Variants in IGSF22 observed in about 807,000 individuals in gnomAD.
The protein encoded by IGSF22 is immunoglobulin superfamily, member 22.
IGSF22 carries 119 observed loss-of-function variants against 127.0 expected under a neutral mutation model. The ratio of observed to expected loss-of-function variants is 0.94; its 90% CI spans 0.81 to 1.09. The LOEUF (loss-of-function observed/expected upper bound fraction) is 1.09. Among genes scored for constraint, IGSF22 ranks in the 50% least tolerant of loss-of-function variants. The pLI is 0.00. For synonymous variants in IGSF22, 568 were observed against 664.7 expected (o/e 0.85, Z 2.24); for missense variants, 1,518 against 1,716.6 (o/e 0.88, Z 2.04).
rs1848284420 is a variant in IGSF22, at chr11:18,708,245, G to A, written c.3049C>T (p.Arg1017Cys). ...SARLKSHMVV[R>C]AGTALCIHAA... ...TGGATGCAGAGGGCTGTCCCAGCGC[G>A]AACCACCATGTGACTCTTCAGCCGG... Residue 1017 changes from arginine (R) to cysteine (C), a missense_variant, in exon 19 of 23, where the codon CGC (arginine) becomes TGC (cysteine). By Grantham distance (180) the Arg-to-Cys change is radical. Coordinates refer to ENST00000513874, the MANE Select transcript of IGSF22 (RefSeq NM_173588.4). 9.0e-6 allele frequency: 14 copies of A among 1,548,816 alleles called. No individual in the cohort carries two copies. The highest frequency in any genetic ancestry group is 1.7e-4 in the Middle Eastern group (1 of 5,978).
chr11:18,723,173 G>A (rs1848601505), intron 2 of IGSF22, among the ~76,000 whole-genome samples: 1 of 152,202 alleles, frequency 6.6e-6, no homozygotes, highest in Non-Finnish European at 1.5e-5. Flanking sequence ...AGCTTTGGCT[G>A]CACATATATA....
intron 15 of IGSF22, among the ~76,000 whole-genome samples, chr11:18,711,449 G>A (rs1301752680): frequency 6.6e-6 from 1 of 152,184 alleles, no homozygotes; most frequent in Non-Finnish European, 1.5e-5. Context: ...CCAGGCTGGA[G>A]TGCAGTGGCA....
In IGSF22 at chr11:18,716,483, GATA is replaced by G. The variant is rs1848465362; in HGVS notation, c.1246+242_1246+244del. On this transcript the variant is annotated intron_variant, in intron 10 of 22. Coordinates refer to ENST00000513874, the MANE Select transcript of IGSF22 (RefSeq NM_173588.4). The surrounding 1 kb of genome is among the most constrained non-coding windows in gnomAD (Gnocchi z 4.5). The stretch of plus-strand genomic sequence containing the variant: ...TTTCTTGGTCCATGATCTCACAGCT[GATA>G]ATAAGACCCAGTGTGTCTTGACTCG... 6.6e-6 allele frequency among the ~76,000 whole-genome samples: 1 copy of G among 152,134 alleles called. No homozygotes were observed. The highest frequency in any genetic ancestry group is 6.5e-5 in the Admixed American group (1 of 15,272).
Position 18,716,840 on chromosome 11 carries a change from G to A in IGSF22, c.1134C>T (p.Ser378=). 6.2e-6 allele frequency: 10 copies of A among 1,614,094 alleles called. No homozygotes were observed. The highest frequency in any genetic ancestry group is 3.3e-5 in the Admixed American group (2 of 60,008). ...TAAGCGTGTGCGTCAGACCATCTTC[G>A]GACACCGTGATTTCATACTTGTCAT... ...KRDDKYEITV[S]EDGLTHTLKI... The change falls in exon 10 of 23, where the codon TCC becomes TCT. Residue 378 remains serine, a synonymous_variant. Coordinates refer to ENST00000513874, the MANE Select transcript of IGSF22 (RefSeq NM_173588.4). The surrounding 1 kb of genome is among the most constrained non-coding windows in gnomAD (Gnocchi z 4.5).
rs376980880 is a variant in IGSF22 at position 18,710,833 on chromosome 11, G to A, written c.2399-5C>T. ...GGGAGGCAAAACCAGGAGGCTCTGT[G>A]GGGGAAAGAGAGAGTGCAAAGGTTA... On this transcript the variant is annotated splice_polypyrimidine_tract_variant and splice_region_variant and intron_variant, in intron 15 of 22. Transcript: ENST00000513874. 55 of 1,610,356 alleles carry A rather than the reference G, an allele frequency of 3.4e-5. No individual in the cohort carries two copies. The highest frequency in any genetic ancestry group is 4.4e-5 in the Non-Finnish European group (52 of 1,176,888).
intron 8 of IGSF22, 128 bp from the exon 9 acceptor site, chr11:18,718,221 T>C: frequency 1.2e-6 from 1 of 813,006 alleles, no homozygotes; most frequent in Non-Finnish European, 1.9e-6. Flanking sequence ...GAGATCCCTA[T>C]GATCTCTATA....
intron 14 of IGSF22, among the ~76,000 whole-genome samples, chr11:18,712,879 G>A (rs1391943690): frequency 2.6e-5 from 4 of 152,174 alleles, no homozygotes; most frequent in Non-Finnish European, 4.4e-5. Flanking sequence ...CCCAGAGCTC[G>A]ATGGAAATGC....
Position 18,721,565 on chromosome 11 carries a change from G to C in IGSF22, c.348C>G (p.Tyr116Ter). 6.2e-7 allele frequency: 1 copy of C among 1,614,262 alleles called. No homozygotes were observed. Among genetic ancestry groups the C allele is most frequent in the Non-Finnish European group, 8.5e-7 (1 of 1,180,048 alleles). The change falls in exon 4 of 23, where the codon TAC (tyrosine) becomes TAG (stop). Residue 116 changes from tyrosine (Y) to a stop codon, truncating the protein, a stop_gained. Transcript: ENST00000513874. LOFTEE classifies it high-confidence loss of function. ...IPIKESAKIFYDSINKEHVLK... is the reference protein window; with the variant it reads ...IPIKESAKIF ...GCACGTGTTCCTTGTTAATGCTGTC[G>C]TAGAATATCTTGGCGGACTCCTTGA...
rs148308967 is a variant in IGSF22 at position 18,714,130 on chromosome 11, G to A, written c.1817C>T (p.Pro606Leu). 0.018 allele frequency: 29,068 copies of A among 1,612,800 alleles called. 310 individuals are homozygous for A. The highest frequency in any genetic ancestry group is 0.024 in the South Asian group (2,211 of 91,012). The stretch of plus-strand genomic sequence containing the variant: ...CGCAGCCAGTGCCTCCAGTACTGAC[G>A]GGTCGATGGTAGGAGGATCTGTGGG... ...VFIADPPTID[P>L]SVLEALAAHA... is the part of the protein sequence containing the mutation. Residue 606 changes from proline to leucine, a missense_variant, in exon 14 of 23, where the codon CCG becomes CTG. Coordinates refer to ENST00000513874, the MANE Select transcript of IGSF22 (RefSeq NM_173588.4).
chr11:18,721,590 A>T lies in IGSF22; in HGVS notation c.323T>A (p.Ile108Asn). The T allele has an allele frequency of 6.2e-7, 1 of 1,614,154 alleles. No homozygotes were observed. Among genetic ancestry groups the T allele is most frequent in the South Asian group, 1.1e-5 (1 of 91,080 alleles). Residue 108 changes from isoleucine (I) to asparagine (N), a missense_variant, in exon 4 of 23, where the codon ATC becomes AAC. Around this residue, in one of 3 missense-constraint regions of IGSF22, gnomAD observed 1,456 missense variants for 1,644.9 expected, o/e 0.89. Coordinates refer to ENST00000513874, the MANE Select transcript of IGSF22 (RefSeq NM_173588.4). ...GTAGAATATCTTGGCGGACTCCTTGATGGGGATGCCGCTCTCCCTCTTCCA... is the reference window on the plus strand; with the variant it reads ...GTAGAATATCTTGGCGGACTCCTTGTTGGGGATGCCGCTCTCCCTCTTCCA... The part of the protein sequence containing the change: ...ISWKRESGIP[I>N]KESAKIFYDS...
chr11:18,719,057 A>C (rs552092771), intron 7 of IGSF22, among the ~76,000 whole-genome samples: 1 of 152,342 alleles, frequency 6.6e-6, no homozygotes, highest in East Asian at 1.9e-4. Context: ...GAAAGAAGGA[A>C]GTATAATTTT....
intron 2 of IGSF22, among the ~76,000 whole-genome samples, chr11:18,723,658 A>G (rs1848607992): frequency 6.6e-6 from 1 of 152,242 alleles, no homozygotes; most frequent in South Asian, 2.1e-4. Context: ...GAGGGCTAAA[A>G]GCCTGGAAGG....
At chr11:18,720,423 C>T (rs534015988) in intron 4 of IGSF22, 138 bp from the exon 5 acceptor site, 2 of 634,990 alleles carry the variant, frequency 3.1e-6, no homozygotes, top group South Asian at 3.9e-5. Context: ...GAGGATTGAG[C>T]AGCCTGTATG....
chr11:18,714,439 T>C (rs1218648804), intron 12 of IGSF22, 21 bp from the exon 13 acceptor site: 5 of 1,614,022 alleles, frequency 3.1e-6, no homozygotes, highest in Non-Finnish European at 4.2e-6. Flanking sequence ...GGGGTGGGCC[T>C]GAGTGTGAGC....
chr11:18,708,124 TC>T, intron 19 of IGSF22, 82 bp downstream of exon 19: 1 of 1,523,396 alleles, frequency 6.6e-7, no homozygotes, highest in South Asian at 1.2e-5. Flanking sequence ...AGAGTCAGAG[TC>T]AGAGTCAGAG....
In IGSF22 at chr11:18,717,092, G is replaced by A. The variant is rs553947233; in HGVS notation, c.974-92C>T. ...GGCACTCACATGTCACTGGCCTCCT[G>A]TAGCCCATGGCTGGGGGAAAGCACC... On this transcript the variant is annotated intron_variant, in intron 9 of 22. Transcript: ENST00000513874. The A allele has an allele frequency of 7.1e-6, 10 of 1,410,544 alleles. No homozygotes were observed. In the East Asian group the frequency reaches 1.6e-4, roughly 23 times the overall value. 87.4% of individuals were successfully genotyped at this position (1,410,544 alleles called of 1,614,324 possible).
At chr11:18,710,180 T>C in intron 17 of IGSF22, 147 bp downstream of exon 17, 3 of 1,052,790 alleles carry the variant, frequency 2.8e-6, no homozygotes, top group Non-Finnish European at 4.2e-6. Context: ...CTCTTGTGTG[T>C]GAATCTTGTC....
In IGSF22 at chr11:18,712,363, C is replaced by A. The variant is rs1451897128; in HGVS notation, c.2117G>T (p.Gly706Val). ...SVLDRPKPPQ[G>V]RVEFLELSGS... ...TGAGAGCTCCAGGAACTCCACCCGG[C>A]CCTGTGGAGGCTTTGGACGGTCTGG... The change falls in exon 15 of 23, where the codon GGC (glycine) becomes GTC (valine). Residue 706 changes from glycine to valine, a missense_variant. Coordinates refer to ENST00000513874, the MANE Select transcript of IGSF22 (RefSeq NM_173588.4). The A allele has an allele frequency of 6.4e-7, 1 of 1,551,262 alleles. No individual in the cohort carries two copies. The highest frequency in any genetic ancestry group is 2.0e-5 in the Admixed American group (1 of 50,994).
chr11:18,724,340 T>C, intron 1 of IGSF22, 71 bp from the exon 2 acceptor site: 1 of 774,358 alleles, frequency 1.3e-6, no homozygotes, highest in Non-Finnish European at 2.2e-6. Flanking sequence ...GTTATGTGTG[T>C]GTTCAGACAT....
Sources: allele counts gnomAD v4.1 joint callset (sites outside exome capture counted in the v4.1 genomes callset), GRCh38; gene constraint gnomAD v4.1.1; regional missense constraint gnomAD v4.1.1; non-coding constraint Gnocchi (gnomAD v3.1); transcripts MANE v1.5; gene names NCBI Gene and HGNC (gene_info 2026-07-23, HGNC 2026-07-21).